Variants in BRD10 observed in about 807,000 individuals in gnomAD.
The protein encoded by BRD10 is uncharacterized bromodomain-containing protein 10.
At chr9:5,908,295 G>A in the BRD10 span, among the ~76,000 whole-genome samples, 3 of 152,110 alleles carry the variant, frequency 2.0e-5, no homozygotes, top group African/African-American at 7.2e-5. Flanking sequence ...CAATTACAAC[G>A]ATCTCTGTGG....
chr9:5,977,098 G>A, the BRD10 span, among the ~76,000 whole-genome samples: 1 of 152,180 alleles, frequency 6.6e-6, no homozygotes, highest in Non-Finnish European at 1.5e-5. Flanking sequence ...TTCCTAGCAG[G>A]TCAGTATAAG....
At chr9:5,938,759 T>G in the BRD10 span, among the ~76,000 whole-genome samples, 2 of 152,180 alleles carry the variant, frequency 1.3e-5, no homozygotes, top group African/African-American at 4.8e-5. Flanking sequence ...CTCCCACAGC[T>G]GAGATAGTTT....
At chr9:5,920,997 C>T in the BRD10 span, 2 of 1,613,924 alleles carry the variant, frequency 1.2e-6, no homozygotes, top group Non-Finnish European at 1.7e-6. Flanking sequence ...GCTGAGGTCA[C>T]TGGAAAGGAA....
the BRD10 span, among the ~76,000 whole-genome samples, chr9:5,883,092 G>A: frequency 2.0e-5 from 3 of 151,898 alleles, no homozygotes; most frequent in Non-Finnish European, 4.4e-5. Flanking sequence ...ACACCAACAT[G>A]GCACATGTAT....
the BRD10 span, among the ~76,000 whole-genome samples, chr9:5,892,880 G>T: frequency 6.6e-6 from 1 of 152,130 alleles, no homozygotes; most frequent in Non-Finnish European, 1.5e-5. Context: ...CTCAATCCTT[G>T]TTCTGTCTCC....
the BRD10 span, among the ~76,000 whole-genome samples, chr9:5,917,769 C>A: frequency 6.6e-6 from 1 of 152,174 alleles, no homozygotes; most frequent in Non-Finnish European, 1.5e-5. Context: ...GGGAGAATTG[C>A]TTGAATCCAG....
chr9:5,968,910 G>T, the BRD10 span: 1 of 1,612,690 alleles, frequency 6.2e-7, no homozygotes, highest in Non-Finnish European at 8.5e-7. Context: ...ACTTCCTTTT[G>T]TGTTTCATAC....
At chr9:5,981,359 A>T in the BRD10 span, among the ~76,000 whole-genome samples, 1 of 152,226 alleles carries the variant, frequency 6.6e-6, no homozygotes, top group Non-Finnish European at 1.5e-5. Context: ...CCCTGGTTAC[A>T]GCCTTATTTC....
the BRD10 span, among the ~76,000 whole-genome samples, chr9:5,979,049 G>A: frequency 6.6e-6 from 1 of 152,146 alleles, no homozygotes; most frequent in Non-Finnish European, 1.5e-5. Flanking sequence ...TTAAGTCACT[G>A]CTACTTTGTG....
At chr9:5,926,351 G>C in the BRD10 span, among the ~76,000 whole-genome samples, 1 of 151,572 alleles carries the variant, frequency 6.6e-6, no homozygotes, top group South Asian at 2.1e-4. Flanking sequence ...TTTGTCGCCA[G>C]GCTGGAGTAC....
chr9:5,921,717 G>C, the BRD10 span: 1 of 1,613,842 alleles, frequency 6.2e-7, no homozygotes, highest in South Asian at 1.1e-5. Flanking sequence ...GCATTGTTTT[G>C]TCCAAAATTT....
chr9:5,937,691 C>G, the BRD10 span, among the ~76,000 whole-genome samples: 2 of 152,338 alleles, frequency 1.3e-5, no homozygotes, highest in African/African-American at 4.8e-5. Flanking sequence ...AATGTACAAT[C>G]TTTCTTTGGA....
At chr9:5,920,255 G>C in the BRD10 span, 4 of 1,613,744 alleles carry the variant, frequency 2.5e-6, no homozygotes, top group Non-Finnish European at 3.4e-6. Context: ...TGGATTAGTA[G>C]ATATAAGGAG....
the BRD10 span, among the ~76,000 whole-genome samples, chr9:5,933,003 G>A: frequency 6.6e-6 from 1 of 152,132 alleles, no homozygotes; most frequent in African/African-American, 2.4e-5. Context: ...CACAAAGACA[G>A]AATGTGGATG....
the BRD10 span, among the ~76,000 whole-genome samples, chr9:5,990,362 A>G: frequency 6.6e-6 from 1 of 152,224 alleles, no homozygotes. Flanking sequence ...GCATTGAAAA[A>G]TAATGACATC....
At chr9:5,993,695 A>G in the BRD10 span, among the ~76,000 whole-genome samples, 3 of 152,330 alleles carry the variant, frequency 2.0e-5, no homozygotes, top group Admixed American at 2.0e-4. Context: ...GTAGGAATAA[A>G]TATGTCTGTC....
At chr9:5,923,459 G>A in the BRD10 span, 35 of 599,332 alleles carry the variant, frequency 5.8e-5, no homozygotes, top group East Asian at 9.7e-4. Context: ...CACCACTGAT[G>A]AAGACAAAGG....
the BRD10 span, among the ~76,000 whole-genome samples, chr9:5,997,154 G>A: frequency 6.6e-6 from 1 of 152,190 alleles, no homozygotes; most frequent in Admixed American, 6.5e-5. Context: ...TCTTAACAAA[G>A]AGATATAGGG....
At chr9:5,891,739 G>T in the BRD10 span, among the ~76,000 whole-genome samples, 1 of 152,226 alleles carries the variant, frequency 6.6e-6, no homozygotes, top group African/African-American at 2.4e-5. Context: ...CTAGCCAAGG[G>T]ACTTGAACCA....
Sources: allele counts gnomAD v4.1 joint callset (sites outside exome capture counted in the v4.1 genomes callset), GRCh38; gene constraint gnomAD v4.1.1; transcripts MANE v1.5; gene names NCBI Gene and HGNC (gene_info 2026-07-23, HGNC 2026-07-21).